CEP112: variants seen among roughly 807,000 people sequenced by gnomAD.
The protein encoded by CEP112 is centrosomal protein 112, also known as centrosomal protein of 112 kDa.
CEP112 carries 127 observed loss-of-function variants against 153.0 expected under a neutral mutation model. That is an observed-to-expected ratio of 0.83 (90% CI 0.72 to 0.96). CEP112 has a LOEUF of 0.96. CEP112 is among the 40% of genes least tolerant of loss of function. The pLI is 0.00. For synonymous variants in CEP112, 358 were observed against 374.4 expected, an observed-to-expected ratio of 0.96 and a Z score of 0.51; for missense variants, 1,089 against 1,101.2, an observed-to-expected ratio of 0.99 and a Z score of 0.16.
chr17:65,639,484 T>G (rs927461807), intron 25 of CEP112, among the ~76,000 whole-genome samples: 2 of 151,572 alleles, frequency 1.3e-5, no homozygotes, highest in Non-Finnish European at 3.0e-5. Flanking sequence ...GAGACCAGCC[T>G]GGCCAAGATA....
intron 16 of CEP112, among the ~76,000 whole-genome samples, chr17:66,026,862 A>AT (rs575460338): frequency 1.3e-5 from 2 of 152,042 alleles, no homozygotes; most frequent in South Asian, 2.1e-4. Flanking sequence ...CCTTTGTGTA[A>AT]TTTTTTTTCC....
At chr17:65,685,376 G>T (rs897886386) in intron 24 of CEP112, among the ~76,000 whole-genome samples, 4 of 152,112 alleles carry the variant, frequency 2.6e-5, no homozygotes, top group Non-Finnish European at 5.9e-5. Context: ...GTTAAAAAAA[G>T]CAGCTTAGGA....
intron 19 of CEP112, chr17:65,913,846 C>A (rs886112354): frequency 3.0e-6 from 3 of 985,420 alleles, no homozygotes; most frequent in Non-Finnish European, 3.6e-6. Context: ...TGGAAGCAGG[C>A]GCTATCTCCT....
chr17:65,642,727 T>C (rs2045210837), intron 24 of CEP112, among the ~76,000 whole-genome samples: 1 of 152,180 alleles, frequency 6.6e-6, no homozygotes, highest in Admixed American at 6.5e-5. Context: ...GTTAGCTGAT[T>C]CAAATGAAGG....
intron 12 of CEP112, among the ~76,000 whole-genome samples, chr17:66,040,958 T>C (rs1014469155): frequency 2.6e-5 from 4 of 152,212 alleles, no homozygotes; most frequent in African/African-American, 9.6e-5. Context: ...AGTTTTATCA[T>C]TTTATCTGCA....
chr17:65,970,877 T>C (rs1435958103), intron 17 of CEP112, among the ~76,000 whole-genome samples: 1 of 50,942 alleles, frequency 2.0e-5, no homozygotes, highest in African/African-American at 5.8e-5. Flanking sequence ...TGCATCGCAT[T>C]ACATGCATAT....
intron 21 of CEP112, among the ~76,000 whole-genome samples, chr17:65,752,045 TCCATC>T (rs1567962322): frequency 2.6e-5 from 4 of 151,264 alleles, no homozygotes; most frequent in Middle Eastern, 3.4e-3. Flanking sequence ...CATCCATCCA[TCCATC>T]CATCCATCCA....
intron 21 of CEP112, among the ~76,000 whole-genome samples, chr17:65,820,948 A>G (rs1246874004): frequency 2.0e-5 from 3 of 152,144 alleles, no homozygotes; most frequent in Non-Finnish European, 4.4e-5. Flanking sequence ...TATTCCTAGG[A>G]TGTCTACTGA....
At chr17:65,726,214 C>T (rs1347279711) in intron 23 of CEP112, among the ~76,000 whole-genome samples, 1 of 151,850 alleles carries the variant, frequency 6.6e-6, no homozygotes, top group Non-Finnish European at 1.5e-5. Context: ...TGGTGGGTGC[C>T]TGTAATCCAA....
chr17:65,960,501 C>CT (rs2062161431), intron 18 of CEP112, among the ~76,000 whole-genome samples: 1 of 152,172 alleles, frequency 6.6e-6, no homozygotes, highest in South Asian at 2.1e-4. Flanking sequence ...CCAGAACCCC[C>CT]TCCAGATACC....
intron 20 of CEP112, among the ~76,000 whole-genome samples, chr17:65,863,612 AG>A (rs2058379668): frequency 1.4e-5 from 2 of 147,684 alleles, no homozygotes; most frequent in Non-Finnish European, 1.5e-5. Flanking sequence ...AAAAAAAATT[AG>A]CCGGGTGCAG....
At chr17:65,790,401 A>G (rs1484116944) in intron 21 of CEP112, among the ~76,000 whole-genome samples, 1 of 152,172 alleles carries the variant, frequency 6.6e-6, no homozygotes, top group Non-Finnish European at 1.5e-5. Flanking sequence ...GATGCAGATC[A>G]TGACTACAAG....
chr17:66,178,067 G>A (rs574629022), intron 2 of CEP112, among the ~76,000 whole-genome samples: 1 of 152,202 alleles, frequency 6.6e-6, no homozygotes, highest in East Asian at 1.9e-4. Flanking sequence ...CCTTTCTTTG[G>A]GGTATATAAC....
At chr17:65,973,933 C>A (rs1356416742) in intron 17 of CEP112, among the ~76,000 whole-genome samples, 2 of 152,028 alleles carry the variant, frequency 1.3e-5, no homozygotes, top group Non-Finnish European at 2.9e-5. Context: ...TAAAATGGCC[C>A]TTAAATGTAA....
At chr17:65,920,365 ATATATATATAT>A (rs2060664579) in intron 19 of CEP112, among the ~76,000 whole-genome samples, 1 of 32,822 alleles carries the variant, frequency 3.0e-5, no homozygotes, top group African/African-American at 1.6e-4. Flanking sequence ...CAAACAAAAT[ATATATATATAT>A]ATATATATAT....
chr17:65,999,643 G>C (rs752552666), intron 17 of CEP112, among the ~76,000 whole-genome samples: 1 of 151,080 alleles, frequency 6.6e-6, no homozygotes, highest in Non-Finnish European at 1.5e-5. Context: ...CATGGGGTTT[G>C]TTGTACAGAT....
At chr17:65,805,131 A>AGCCACC (rs2055523215) in intron 21 of CEP112, among the ~76,000 whole-genome samples, 3 of 152,118 alleles carry the variant, frequency 2.0e-5, no homozygotes, top group African/African-American at 7.2e-5. Flanking sequence ...TACAGGCAGG[A>AGCCACC]GCCACCATAC....
chr17:65,780,119 C>T (rs1340373960), intron 21 of CEP112, among the ~76,000 whole-genome samples: 1 of 152,076 alleles, frequency 6.6e-6, no homozygotes, highest in Non-Finnish European at 1.5e-5. Context: ...TATTTAATGG[C>T]AGTTAACCTA....
intron 6 of CEP112, 133 bp downstream of exon 6, chr17:66,129,613 T>G: frequency 1.7e-6 from 1 of 579,214 alleles, no homozygotes. Context: ...CTTAAGCCCT[T>G]CTCAAGGCCA....
Sources: gnomAD v4.1 joint callset for allele counts (sites outside exome capture counted in the v4.1 genomes callset) on GRCh38, gnomAD v4.1.1 for gene constraint, MANE v1.5 for transcripts, NCBI Gene and HGNC (gene_info 2026-07-23, HGNC 2026-07-21) for gene names.